The following HPD variants were observed in gnomAD, a reference collection of about 807,000 sequenced individuals.
HPD encodes the protein 4-hydroxyphenylpyruvate dioxygenase.
In HPD, 35 loss-of-function variants were observed where a neutral mutation model predicts 56.9. That is an observed-to-expected ratio of 0.62 (90% CI 0.47 to 0.82). The LOEUF is 0.82. Ranked by LOEUF, HPD falls within the 40% of genes least tolerant of loss-of-function variation. The probability of loss-of-function intolerance (pLI) is 0.00; values close to 1 mark genes in which losing one functional copy is unlikely to be tolerated. For synonymous variants in HPD, 186 were observed against 200.2 expected (o/e 0.93, Z 0.60); for missense variants, 442 against 506.8 (o/e 0.87, Z 1.23).
At chr12:121,877,150 G>T in the HPD span, among the ~76,000 whole-genome samples, 1 of 151,210 alleles carries the variant, frequency 6.6e-6, no homozygotes, top group Admixed American at 6.6e-5. Flanking sequence ...AGGGATAGAA[G>T]TGAGTGACTA....
chr12:121,840,172 T>C (rs1877360963), intron 12 of HPD, 124 bp from the exon 13 acceptor site: 1 of 741,596 alleles, frequency 1.3e-6, no homozygotes, highest in South Asian at 1.4e-5. Context: ...TTCAGCCACC[T>C]CCAAATATAT....
the HPD span, among the ~76,000 whole-genome samples, chr12:121,875,179 C>T: frequency 6.6e-6 from 1 of 152,202 alleles, no homozygotes; most frequent in Non-Finnish European, 1.5e-5. Flanking sequence ...AGCCTGCAAA[C>T]AGCCACAGAC....
At chr12:121,847,250 C>G in intron 9 of HPD, 36 bp from the exon 10 acceptor site, 1 of 1,609,548 alleles carries the variant, frequency 6.2e-7, no homozygotes, top group Non-Finnish European at 8.5e-7. Flanking sequence ...ATGCTCTGAG[C>G]GCCTCCAGGG....
the HPD span, among the ~76,000 whole-genome samples, chr12:121,884,137 G>A: frequency 6.7e-6 from 1 of 150,292 alleles, no homozygotes; most frequent in Non-Finnish European, 1.5e-5. Context: ...TAAGGATCAT[G>A]TATTGCATTT....
At chr12:121,846,327 T>A (rs1163075137) in intron 11 of HPD, among the ~76,000 whole-genome samples, 1 of 152,148 alleles carries the variant, frequency 6.6e-6, no homozygotes, top group Non-Finnish European at 1.5e-5. Context: ...AGCACTTCTC[T>A]TGCCTCAGCC....
At chr12:121,866,911 G>A (rs1878342670), upstream of HPD, among the ~76,000 whole-genome samples, 1 of 151,986 alleles carries the variant, frequency 6.6e-6, no homozygotes, top group Non-Finnish European at 1.5e-5. Flanking sequence ...CCCTCGCTGT[G>A]CACCTTTGTC....
the HPD span, among the ~76,000 whole-genome samples, chr12:121,884,893 TCTTTCTTTTTCTTGAGAC>T: frequency 6.6e-6 from 1 of 152,100 alleles, no homozygotes; most frequent in Non-Finnish European, 1.5e-5. Context: ...AATATATATC[TCTTTCTTTTTCTTGAGAC>T]GGAGTCTCAC....
intron 11 of HPD, among the ~76,000 whole-genome samples, chr12:121,844,718 A>G (rs1877518265): frequency 1.3e-5 from 2 of 151,666 alleles, no homozygotes; most frequent in South Asian, 4.2e-4. Context: ...CCTACTAAAA[A>G]TACAAAAAAA....
chr12:121,859,897 G>A (rs546522921), upstream of HPD, among the ~76,000 whole-genome samples: 2 of 152,202 alleles, frequency 1.3e-5, no homozygotes, highest in Non-Finnish European at 2.9e-5. Context: ...GGTGGCTCAC[G>A]CCTGTAATCC....
intron 7 of HPD, among the ~76,000 whole-genome samples, chr12:121,851,607 G>A (rs1223354874): frequency 6.6e-6 from 1 of 151,716 alleles, no homozygotes; most frequent in Non-Finnish European, 1.5e-5. Context: ...GCCTCACAAA[G>A]TGCTGGGATT....
Position 121,843,772 on chromosome 12 carries a change from G to C in HPD, c.892C>G (p.Gln298Glu). 1 of 1,614,108 alleles carries C rather than the reference G, an allele frequency of 6.2e-7. No individual in the cohort carries two copies. Among genetic ancestry groups the C allele is most frequent in the South Asian group, 1.1e-5 (1 of 91,080 alleles). ...GCCGTCTTCAGCTTCTCCCGCAGTT[G>C]TTTGTAGTACGTGGAGGGAACAGAT... is the stretch of plus-strand genomic sequence containing the variant. ...FLSVPSTYYK[Q>E]LREKLKTAKI... Residue 298 changes from glutamine (Q) to glutamate (E), a missense_variant, in exon 12 of 14, where the codon CAA becomes GAA. Gln to Glu is a conservative substitution (Grantham distance 29). Coordinates refer to ENST00000289004, the MANE Select transcript of HPD (RefSeq NM_002150.3).
chr12:121,850,509 T>C (rs1421778612), intron 7 of HPD, among the ~76,000 whole-genome samples: 1 of 147,660 alleles, frequency 6.8e-6, no homozygotes, highest in East Asian at 2.0e-4. Context: ...AGTCTCACTC[T>C]GTCACTCAGG....
chr12:121,854,907 A>C (rs112167430), intron 6 of HPD, 115 bp from the exon 7 acceptor site: 6 of 784,892 alleles, frequency 7.6e-6, no homozygotes, highest in African/African-American at 3.4e-5. Flanking sequence ...CAGTTTCTCC[A>C]GCCCCAGGTA....
chr12:121,843,023 A>G (rs767865308), intron 12 of HPD, among the ~76,000 whole-genome samples: 2 of 152,026 alleles, frequency 1.3e-5, no homozygotes, highest in African/African-American at 2.4e-5. Flanking sequence ...TGAGATTACA[A>G]GCATGAACCA....
chr12:121,839,642 G>A lies in HPD; in HGVS notation c.*86C>T. On this transcript the variant is annotated 3_prime_UTR_variant, in exon 14 of 14. Coordinates refer to ENST00000289004, the MANE Select transcript of HPD (RefSeq NM_002150.3). ...GAGTCCGCTGGTGGGCGGGACCCAA[G>A]GGGAGCAGCCAGTAGGGAAGTTGGG... The A allele has an allele frequency of 2.0e-6, 2 of 1,004,630 alleles. No homozygotes were observed. The highest frequency in any genetic ancestry group is 1.3e-5 in the South Asian group (1 of 77,566). The allele number at this position is 1,004,630 out of a possible 1,614,324, so 62.2% of individuals were successfully genotyped here.
chr12:121,858,852 G>T lies in HPD; in HGVS notation c.-29C>A. 1 of 1,613,942 alleles carries T rather than the reference G, an allele frequency of 6.2e-7. No homozygotes were observed. Among genetic ancestry groups the T allele is most frequent in the East Asian group, 2.2e-5 (1 of 44,874 alleles). ...TGATCTTAGTCAAACCTCCTACTGG[G>T]ACTAGAGGCCTGGGGAGTGCTGGGC... On this transcript the variant is annotated 5_prime_UTR_variant, in exon 1 of 14. Transcript: ENST00000289004.
the HPD span, among the ~76,000 whole-genome samples, chr12:121,880,371 T>A: frequency 1.2e-4 from 19 of 152,182 alleles, 1 homozygote; most frequent in South Asian, 3.1e-3. Flanking sequence ...AATTTTTGAA[T>A]TTTTAATAGA....
chr12:121,854,665 C>T (rs746774715), intron 7 of HPD, 38 bp downstream of exon 7: 39 of 1,440,678 alleles, frequency 2.7e-5, no homozygotes, highest in Admixed American at 1.8e-4. Flanking sequence ...TCAGTGGTGC[C>T]GACAGCAGGA....
Position 121,857,446 on chromosome 12 carries a change from T to G in HPD, c.94-14A>C, listed in dbSNP as rs779549439. 2.5e-6 allele frequency: 4 copies of G among 1,584,324 alleles called. No homozygotes were observed. The highest frequency in any genetic ancestry group is 3.5e-6 in the Non-Finnish European group (4 of 1,152,908). ...GAATGACGTGGCCTGAATCACAGGG[T>G]TGCAGCAGGGTTCATGAGGGTCAAG... On this transcript the variant is annotated splice_polypyrimidine_tract_variant and intron_variant, in intron 3 of 13. Transcript: ENST00000289004.
Sources: gnomAD v4.1 joint callset for allele counts (sites outside exome capture counted in the v4.1 genomes callset) on GRCh38, gnomAD v4.1.1 for gene constraint, MANE v1.5 for transcripts, NCBI Gene and HGNC (gene_info 2026-07-23, HGNC 2026-07-21) for gene names.